The following CLDN10 variants were observed in gnomAD, a reference collection of about 807,000 sequenced individuals.
CLDN10 encodes the protein claudin 10.
In CLDN10, 15 loss-of-function variants were observed where a neutral mutation model predicts 22.9. The ratio of observed to expected loss-of-function variants is 0.65; its 90% confidence interval spans 0.44 to 1.01. CLDN10 has a LOEUF of 1.01. CLDN10 is among the 50% of genes least tolerant of loss of function. The probability of loss-of-function intolerance (pLI) is 0.00; values close to 1 mark genes in which losing one functional copy is unlikely to be tolerated. For missense variants in CLDN10, 247 were observed against 287.8 expected (o/e 0.86, Z 1.03); for synonymous variants, 114 against 111.4 (o/e 1.02, Z -0.15).
chr13:95,565,465 G>T (rs971617582), intron 3 of CLDN10, among the ~76,000 whole-genome samples: 1 of 152,104 alleles, frequency 6.6e-6, no homozygotes, highest in Non-Finnish European at 1.5e-5. Context: ...TTGTGTTGGG[G>T]TCTTATCATC....
intron 3 of CLDN10, among the ~76,000 whole-genome samples, chr13:95,568,954 G>A (rs1335416793): frequency 1.3e-5 from 2 of 152,072 alleles, no homozygotes; most frequent in South Asian, 4.1e-4. Flanking sequence ...CTTTGAAGAA[G>A]TTACTTACCC....
At chr13:95,476,963 G>C (rs1337625869) in intron 1 of CLDN10, among the ~76,000 whole-genome samples, 3 of 152,136 alleles carry the variant, frequency 2.0e-5, no homozygotes, top group Non-Finnish European at 4.4e-5. Context: ...GAGCAGCATA[G>C]CAGGGACCCA....
At chr13:95,546,246 G>A (rs2138631409) in intron 1 of CLDN10, among the ~76,000 whole-genome samples, 1 of 152,274 alleles carries the variant, frequency 6.6e-6, no homozygotes. Context: ...TACACAAAGA[G>A]TTGTCTTGGT....
intron 1 of CLDN10, among the ~76,000 whole-genome samples, chr13:95,539,636 A>C (rs187438497): frequency 6.6e-5 from 10 of 152,350 alleles, no homozygotes; most frequent in Non-Finnish European, 1.3e-4. Flanking sequence ...AAAGTTAATT[A>C]CAAGATGGCT....
intron 3 of CLDN10, among the ~76,000 whole-genome samples, chr13:95,566,974 G>A (rs547254528): frequency 1.3e-5 from 2 of 152,208 alleles, no homozygotes; most frequent in African/African-American, 4.8e-5. Flanking sequence ...TGTTCCATTG[G>A]TCTATATATC....
intron 1 of CLDN10, among the ~76,000 whole-genome samples, chr13:95,505,749 CTTTT>C (rs34828390): frequency 0.06 from 6,270 of 103,666 alleles, 113 homozygotes; most frequent in African/African-American, 0.14. Context: ...CCTTCCCTTT[CTTTT>C]TTTTTTTTTT....
intron 1 of CLDN10, among the ~76,000 whole-genome samples, chr13:95,538,222 G>A (rs1470169931): frequency 1.7e-5 from 2 of 115,514 alleles, no homozygotes; most frequent in Non-Finnish European, 3.2e-5. Context: ...TGCAACCTCT[G>A]CTTCCTGGGT....
rs560577126 is a variant in CLDN10 at position 95,559,397 on chromosome 13, G to C, written c.221-735G>C. ...CGAACTGACAGAACATACTCGTTAG[G>C]GTACTTTAAAGGCATTCATTTATAA... is the stretch of plus-strand genomic sequence containing the variant. On this transcript the variant is annotated intron_variant, in intron 1 of 4. Coordinates refer to ENST00000299339, the MANE Select transcript of CLDN10 (RefSeq NM_006984.5). Among the ~76,000 whole-genome samples the C allele has an allele frequency of 7.8e-4, 119 of 152,100 alleles. 1 individual carries two copies. The highest frequency in any genetic ancestry group is 3.4e-3 in the Middle Eastern group (1 of 294).
chr13:95,531,183 G>A (rs2043338999), intron 1 of CLDN10, among the ~76,000 whole-genome samples: 1 of 151,966 alleles, frequency 6.6e-6, no homozygotes, highest in Non-Finnish European at 1.5e-5. Context: ...CTCCCATAGT[G>A]CTGGGATTAC....
rs924538791 is a variant in CLDN10 at position 95,497,041 on chromosome 13, G to A, written c.214+62994G>A. 4.6e-5 allele frequency: 7 copies of A among 151,964 alleles called. No individual in the cohort carries two copies. The East Asian group carries it at 7.7e-4, about 17-fold the overall frequency. The allele number at this position is 151,964 out of a possible 1,614,324, so 9.4% of individuals were successfully genotyped here. ...CAGGCCTGTTTTCCAGCTGGAAAAC[G>A]AGGATAATAGTACCTACCTCATAGA... On this transcript the variant is annotated intron_variant, in intron 1 of 4. Coordinates refer to the CLDN10 transcript ENST00000376873.
chr13:95,495,858 A>G (rs1212171952), intron 1 of CLDN10, among the ~76,000 whole-genome samples: 2 of 152,142 alleles, frequency 1.3e-5, no homozygotes, highest in Non-Finnish European at 2.9e-5. Context: ...CAGCCCAGAT[A>G]ACATAATAAT....
At chr13:95,434,052 A>G in intron 1 of CLDN10, 1 of 1,612,340 alleles carries the variant, frequency 6.2e-7, no homozygotes, top group Non-Finnish European at 8.5e-7. Flanking sequence ...TAGCAGGTAA[A>G]TATAATGGCT....
intron 3 of CLDN10, among the ~76,000 whole-genome samples, chr13:95,571,845 CCT>C (rs2043866212): frequency 6.6e-6 from 1 of 151,872 alleles, no homozygotes; most frequent in African/African-American, 2.4e-5. Flanking sequence ...TGTAAAAAAA[CCT>C]ATGTAGTTAT....
At chr13:95,538,379 C>T (rs2043423686) in intron 1 of CLDN10, among the ~76,000 whole-genome samples, 1 of 151,886 alleles carries the variant, frequency 6.6e-6, no homozygotes, top group African/African-American at 2.4e-5. Flanking sequence ...ACCTCATGAT[C>T]CACCCACCTT....
chr13:95,473,398 G>T (rs1207773658), intron 1 of CLDN10, among the ~76,000 whole-genome samples: 2 of 152,124 alleles, frequency 1.3e-5, no homozygotes, highest in East Asian at 1.9e-4. Context: ...AATTAAAAAA[G>T]AAATAACATG....
chr13:95,449,573 T>C (rs910558800), intron 1 of CLDN10, among the ~76,000 whole-genome samples: 2 of 151,582 alleles, frequency 1.3e-5, no homozygotes, highest in African/African-American at 4.8e-5. Flanking sequence ...TTTTTTGTTG[T>C]TTTATTTTTT....
intron 1 of CLDN10, among the ~76,000 whole-genome samples, chr13:95,453,695 A>G (rs2042454901): frequency 1.2e-5 from 1 of 83,144 alleles, no homozygotes; most frequent in Admixed American, 1.1e-4. Flanking sequence ...AAAGAAAAAG[A>G]AAAAAAAAAA....
chr13:95,554,408 G>GA (rs5805942), intron 1 of CLDN10, among the ~76,000 whole-genome samples: 39,869 of 152,086 alleles, frequency 0.26, 5,512 homozygotes, highest in African/African-American at 0.32. Context: ...GGGAGAGAAG[G>GA]AAATGAATGC....
At chr13:95,550,701 T>A (rs1276660984), upstream of CLDN10, among the ~76,000 whole-genome samples, 1 of 151,280 alleles carries the variant, frequency 6.6e-6, no homozygotes, top group Non-Finnish European at 1.5e-5. Flanking sequence ...AAAAAACAGA[T>A]GATAAAACAC....
Sources: allele counts gnomAD v4.1 joint callset (sites outside exome capture counted in the v4.1 genomes callset), GRCh38; gene constraint gnomAD v4.1.1; transcripts MANE v1.5; gene names NCBI Gene and HGNC (gene_info 2026-07-23, HGNC 2026-07-21).